Variants in WDR86 observed in about 807,000 individuals in gnomAD.
WDR86 encodes WD repeat domain 86, also known as WD repeat-containing protein 86.
WDR86 carries 30 observed loss-of-function variants against 36.5 expected under a neutral mutation model. The ratio of observed to expected loss-of-function variants is 0.82; its 90% CI spans 0.61 to 1.11. The LOEUF is 1.11. WDR86 is among the 50% of genes most tolerant of loss of function. The pLI is 0.00. For synonymous variants in WDR86, 255 were observed against 252.9 expected (o/e 1.01, Z -0.08); for missense variants, 545 against 561.2 (o/e 0.97, Z 0.29).
In WDR86 at chr7:151,388,295, A is replaced by G. The variant is rs971036463; in HGVS notation, c.727-3072T>C. On this transcript the variant is annotated intron_variant, in intron 3 of 5. Coordinates refer to ENST00000334493, the MANE Select transcript of WDR86 (RefSeq NM_198285.3). This position sits in a 1 kb window ranked among gnomAD's most constrained non-coding sequence, Gnocchi z 4.2. ...GTGTCTGTTTTAGTTATTTTTTACA[A>G]TTTACATTTGAAATGTTTTATAACT... Among the ~76,000 whole-genome samples, 6 of 152,362 alleles carry G rather than the reference A, an allele frequency of 3.9e-5. No homozygotes were observed. Among genetic ancestry groups the G allele is most frequent in the Middle Eastern group, 3.4e-3 (1 of 294 alleles).
chr7:151,369,118 G>A, the WDR86 span: 45 of 344,348 alleles, frequency 1.3e-4, no homozygotes, highest in Non-Finnish European at 1.8e-4. Flanking sequence ...AGCAATTCTC[G>A]TGCCTCAGCC....
In WDR86 at chr7:151,381,242, CCA is replaced by C. The variant is rs1798536611; in HGVS notation, c.*338_*339del. 1 of 1,300,234 alleles carries C rather than the reference CCA, an allele frequency of 7.7e-7. No individual in the cohort carries two copies. The highest frequency in any genetic ancestry group is 1.5e-5 in the African/African-American group (1 of 64,858). The allele number at this position is 1,300,234 out of a possible 1,614,324, so 80.5% of individuals were successfully genotyped here. On this transcript the variant is annotated 3_prime_UTR_variant, in exon 6 of 6. Coordinates refer to ENST00000334493, the MANE Select transcript of WDR86 (RefSeq NM_198285.3). This position sits in a 1 kb window ranked among gnomAD's most constrained non-coding sequence, Gnocchi z 4.8. ...GTCACTTCCTCTCAGCAGGAAAGGCCCAGTTTCGTGGGGCTGGGGGAGCTGGG... is the reference window on the plus strand; with the variant it reads ...GTCACTTCCTCTCAGCAGGAAAGGCCGTTTCGTGGGGCTGGGGGAGCTGGG...
At chr7:151,377,718 TC>T (rs2150731127), downstream of WDR86, 1 of 152,572 alleles carries the variant, frequency 6.6e-6, no homozygotes, top group East Asian at 1.9e-4. Flanking sequence ...GCCCCTCAAA[TC>T]GTCCTTTAAG....
At position 151,396,164 on chromosome 7, in the gene WDR86, C is replaced by T. The variant is rs763578868; in HGVS notation, c.338G>A (p.Ser113Asn). The T allele has an allele frequency of 2.5e-6, 4 of 1,612,986 alleles. No homozygotes were observed. Among genetic ancestry groups the T allele is most frequent in the Non-Finnish European group, 3.4e-6 (4 of 1,179,890 alleles). Reference protein sequence around the residue: ...ILVANNQLFSSSYDRTARVWS... With the variant: ...ILVANNQLFSNSYDRTARVWS... ...GACCCGAGCTGTCCGGTCATAGGAG[C>T]TGCTGAAGAGCTGGTTGTTGGCAAC... Residue 113 changes from serine (S) to asparagine (N), a missense_variant, in exon 3 of 6, where the codon AGC (serine) becomes AAC (asparagine). Transcript: ENST00000334493.
chr7:151,384,965 T>A (rs558582204), intron 4 of WDR86, 123 bp downstream of exon 4: 4 of 1,095,974 alleles, frequency 3.6e-6, no homozygotes, highest in East Asian at 5.0e-5. Flanking sequence ...GAACGAGCAC[T>A]GCCATTGGAC....
chr7:151,374,695 G>T (rs1376646840), downstream of WDR86: 1 of 191,152 alleles, frequency 5.2e-6, no homozygotes, highest in Non-Finnish European at 1.1e-5. Flanking sequence ...AACCCCTCAG[G>T]AGTGACAGCA....
At position 151,390,880 on chromosome 7, in the gene WDR86, C is replaced by T. The variant is rs1262797932; in HGVS notation, c.726+4896G>A. 6.6e-6 allele frequency among the ~76,000 whole-genome samples: 1 copy of T among 152,228 alleles called. No homozygotes were observed. The highest frequency in any genetic ancestry group is 1.5e-5 in the Non-Finnish European group (1 of 68,034). ...AAAGCAGAAGGGCGGGTGCCCGGGG[C>T]ATGGAAGAGCAGCGGGGAGTCAGTG... On this transcript the variant is annotated intron_variant, in intron 3 of 5. Coordinates refer to ENST00000334493, the MANE Select transcript of WDR86 (RefSeq NM_198285.3). This position sits in a 1 kb window ranked among gnomAD's most constrained non-coding sequence, Gnocchi z 4.5.
At position 151,381,474 on chromosome 7, in the gene WDR86, G is replaced by A. The variant is rs757751538; in HGVS notation, c.*108C>T. 30 of 1,479,126 alleles carry A rather than the reference G, an allele frequency of 2.0e-5. No individual in the cohort carries two copies. Among genetic ancestry groups the A allele is most frequent in the Non-Finnish European group, 2.6e-5 (29 of 1,123,606 alleles). The allele number at this position is 1,479,126 out of a possible 1,614,324, so 91.6% of individuals were successfully genotyped here. ...GCTCTCCTCCCGCCCGGGCTTCCTCGCTCCTCGCCCCTCGCCGGCCATCGG... is the reference window on the plus strand; with the variant it reads ...GCTCTCCTCCCGCCCGGGCTTCCTCACTCCTCGCCCCTCGCCGGCCATCGG... On this transcript the variant is annotated 3_prime_UTR_variant, in exon 6 of 6. Transcript: ENST00000334493. The surrounding 1 kb of genome is among the most constrained non-coding windows in gnomAD (Gnocchi z 4.8).
rs1166068680 is a variant in WDR86 at position 151,381,689 on chromosome 7, C to T, written c.1024G>A (p.Val342Met). The change falls in exon 6 of 6, where the codon GTG becomes ATG. Residue 342 changes from valine (V) to methionine (M), a missense_variant. Physicochemically the swap from Val to Met is conservative, Grantham distance 21. Transcript: ENST00000334493. The surrounding 1 kb of genome is among the most constrained non-coding windows in gnomAD (Gnocchi z 4.8). ...CGCGGGGCACCTCGGAGCCCGCGCACGTCCCAGAGGCGCAGGGCGCCGTCG... is the reference window on the plus strand; with the variant it reads ...CGCGGGGCACCTCGGAGCCCGCGCATGTCCCAGAGGCGCAGGGCGCCGTCG... ...SHDGALRLWD[V>M]RGLRGAPRPP... 4 of 1,440,882 alleles carry T rather than the reference C, an allele frequency of 2.8e-6. No individual in the cohort carries two copies. The highest frequency in any genetic ancestry group is 1.4e-5 in the South Asian group (1 of 69,006). The allele number at this position is 1,440,882 out of a possible 1,614,324, so 89.3% of individuals were successfully genotyped here. A position where few individuals can be genotyped will look rare whatever the true frequency, so the allele number is the denominator to read the frequency against.
At chr7:151,377,154 G>T (rs1798339061), downstream of WDR86, 11 of 1,590,104 alleles carry the variant, frequency 6.9e-6, no homozygotes, top group Non-Finnish European at 9.4e-6. Context: ...AACTCTGGAA[G>T]ATGAAGAAAT....
intron 1 of WDR86, chr7:151,408,411 T>G (rs1800903547): frequency 6.5e-6 from 1 of 154,346 alleles, no homozygotes; most frequent in Admixed American, 6.3e-5. Context: ...TTGGCCAGGC[T>G]GGTCTCAAAC....
chr7:151,406,706 C>T lies in WDR86; in HGVS notation c.163+2721G>A, dbSNP rs145697213. Among the ~76,000 whole-genome samples the T allele has an allele frequency of 3.6e-3, 551 of 152,218 alleles. 5 individuals carry two copies. The highest frequency in any genetic ancestry group is 0.013 in the African/African-American group (525 of 41,534). On this transcript the variant is annotated intron_variant, in intron 1 of 5. Coordinates refer to ENST00000334493, the MANE Select transcript of WDR86 (RefSeq NM_198285.3). This position sits in a 1 kb window ranked among gnomAD's most constrained non-coding sequence, Gnocchi z 4.4. ...CGCACCACGCCTCGAGGGATGTTGGCGACAGCACCCACCCCATTATCGATG... is the reference window on the plus strand; with the variant it reads ...CGCACCACGCCTCGAGGGATGTTGGTGACAGCACCCACCCCATTATCGATG...
chr7:151,376,010 G>C (rs1798208442), exon 2 of WDR86: 4 of 989,654 alleles, frequency 4.0e-6, no homozygotes, highest in South Asian at 2.6e-5. Flanking sequence ...GGTAACCCGG[G>C]TGAATCAGGC....
chr7:151,380,289 G>A (rs1052535048), downstream of WDR86, among the ~76,000 whole-genome samples: 3 of 152,176 alleles, frequency 2.0e-5, no homozygotes, highest in Non-Finnish European at 2.9e-5. Context: ...GTTCATCCGC[G>A]CCCGAGGGCG....
In WDR86 at chr7:151,409,371, G is replaced by A. The variant is rs542124873; in HGVS notation, c.163+56C>T. 432 of 1,543,642 alleles carry A rather than the reference G, an allele frequency of 2.8e-4. 3 individuals carry two copies. In the African/African-American group the frequency reaches 5.5e-3, roughly 20 times the overall value. On this transcript the variant is annotated intron_variant, in intron 1 of 5. Transcript: ENST00000334493. This position sits in a 1 kb window ranked among gnomAD's most constrained non-coding sequence, Gnocchi z 5.2. ...TGCGGGCGCAGGAGCTGGGGTCCGC[G>A]GTCTGGGGCCGGTGAGCTGCGGCGA... is the stretch of plus-strand genomic sequence containing the variant.
chr7:151,394,463 C>CGCTGA (rs1247110079), intron 3 of WDR86, among the ~76,000 whole-genome samples: 11 of 152,366 alleles, frequency 7.2e-5, no homozygotes, highest in Non-Finnish European at 1.2e-4. Flanking sequence ...TCTGCGGCTT[C>CGCTGA]GCTGAGCATC....
At chr7:151,383,431 G>A (rs1328144483) in intron 4 of WDR86, among the ~76,000 whole-genome samples, 4 of 149,434 alleles carry the variant, frequency 2.7e-5, no homozygotes, top group Admixed American at 1.3e-4. Flanking sequence ...CCTAGACTGC[G>A]CCATTTCACT....
At chr7:151,382,949 A>C (rs1798705933) in intron 4 of WDR86, among the ~76,000 whole-genome samples, 2 of 147,754 alleles carry the variant, frequency 1.4e-5, no homozygotes, top group African/African-American at 5.0e-5. Context: ...TATCTATCTG[A>C]GGGTGCTCTG....
At chr7:151,377,033 G>T (rs899292993), downstream of WDR86, 5 of 1,528,880 alleles carry the variant, frequency 3.3e-6, no homozygotes, top group Admixed American at 2.2e-5. Flanking sequence ...TACTCCTGCG[G>T]TATTTTATTG....
Sources: allele counts gnomAD v4.1 joint callset (sites outside exome capture counted in the v4.1 genomes callset), GRCh38; gene constraint gnomAD v4.1.1; non-coding constraint Gnocchi (gnomAD v3.1); transcripts MANE v1.5; gene names NCBI Gene and HGNC (gene_info 2026-07-23, HGNC 2026-07-21).